Variants in CEP89 observed in about 807,000 individuals in gnomAD.
CEP89 encodes the protein centrosomal protein 89.
A neutral mutation model predicts 97.6 loss-of-function variants in CEP89; 95 were observed. The ratio of observed to expected loss-of-function variants is 0.97; its 90% CI spans 0.82 to 1.15. The LOEUF (loss-of-function observed/expected upper bound fraction) is 1.15, where lower values mean the gene tolerates loss of function less well. CEP89 is among the 50% of genes most tolerant of loss of function. The pLI is 0.00. For missense variants in CEP89, 869 were observed against 947.7 expected (o/e 0.92, Z 1.09); for synonymous variants, 354 against 349.1 (o/e 1.01, Z -0.16).
chr19:32,886,042 C>G (rs1019579706), intron 17 of CEP89, among the ~76,000 whole-genome samples: 1 of 152,206 alleles, frequency 6.6e-6, no homozygotes, highest in African/African-American at 2.4e-5. Context: ...CTTGCTGCCT[C>G]TTCCTGAGGT....
At position 32,971,925 on chromosome 19, in the gene CEP89, A is replaced by C. The variant is rs566940218; in HGVS notation, c.-51T>G. 17 of 1,557,818 alleles carry C rather than the reference A, an allele frequency of 1.1e-5. 1 individual carries two copies. In the South Asian group the frequency reaches 1.9e-4, roughly 17 times the overall value. On this transcript the variant is annotated 5_prime_UTR_variant, in exon 1 of 19. Transcript: ENST00000305768. ...GGGGCCTGGACTCATCAGCAGATCT[A>C]TCCACAGCCAGGGACCACTCCCTAA...
At chr19:32,902,873 A>T (rs140222420) in intron 14 of CEP89, among the ~76,000 whole-genome samples, 1 of 152,262 alleles carries the variant, frequency 6.6e-6, no homozygotes, top group African/African-American at 2.4e-5. Flanking sequence ...AATTTCTGAC[A>T]TGCACAAAGA....
At chr19:32,918,540 G>A (rs957839540) in intron 12 of CEP89, among the ~76,000 whole-genome samples, 1 of 152,104 alleles carries the variant, frequency 6.6e-6, no homozygotes, top group Admixed American at 6.6e-5. Flanking sequence ...TCTGAATTAC[G>A]GACTGCTTCA....
At chr19:32,924,432 T>A (rs1252622710) in intron 11 of CEP89, among the ~76,000 whole-genome samples, 1 of 152,198 alleles carries the variant, frequency 6.6e-6, no homozygotes, top group Non-Finnish European at 1.5e-5. Context: ...TATGTCTGTT[T>A]CAGCTCCCAA....
intron 5 of CEP89, among the ~76,000 whole-genome samples, chr19:32,945,284 CAA>C (rs10709515): frequency 0.034 from 3,270 of 95,912 alleles, 120 homozygotes; most frequent in African/African-American, 0.12. Flanking sequence ...AACTATGTTT[CAA>C]AAAAAAAAAA....
intron 3 of CEP89, 94 bp downstream of exon 3, chr19:32,959,806 C>A: frequency 7.3e-7 from 1 of 1,368,906 alleles, no homozygotes; most frequent in South Asian, 1.3e-5. Flanking sequence ...CACATGCACA[C>A]ACATGTACGC....
chr19:32,923,873 A>G (rs1333856504), intron 11 of CEP89, among the ~76,000 whole-genome samples: 2 of 152,138 alleles, frequency 1.3e-5, no homozygotes, highest in African/African-American at 4.8e-5. Context: ...CAACGCTGAC[A>G]TTTTTCCTTT....
intron 1 of CEP89, chr19:32,970,113 A>C (rs1971367691): frequency 6.6e-6 from 1 of 152,192 alleles, no homozygotes; most frequent in African/African-American, 2.4e-5. Flanking sequence ...CAAATAATTC[A>C]TTCTTTTTTA....
intron 4 of CEP89, among the ~76,000 whole-genome samples, chr19:32,951,534 T>TATATATACACACAC (rs1407110112): frequency 2.9e-4 from 36 of 122,040 alleles, no homozygotes; most frequent in African/African-American, 9.2e-4. Flanking sequence ...TATATATATA[T>TATATATACACACAC]ACACACACAC....
intron 12 of CEP89, among the ~76,000 whole-genome samples, chr19:32,918,826 A>C (rs576907537): frequency 2.0e-5 from 3 of 151,772 alleles, no homozygotes; most frequent in African/African-American, 7.2e-5. Context: ...AACAAAAAAA[A>C]CTGACTCTGT....
intron 2 of CEP89, 167 bp downstream of exon 2, chr19:32,966,193 G>C (rs932582084): frequency 2.4e-6 from 1 of 411,950 alleles, no homozygotes; most frequent in African/African-American, 2.1e-5. Context: ...ATTATCCTCA[G>C]AGACACCATA....
At chr19:32,889,722 G>A (rs918579665) in intron 16 of CEP89, among the ~76,000 whole-genome samples, 5 of 152,196 alleles carry the variant, frequency 3.3e-5, no homozygotes, top group East Asian at 1.9e-4. Flanking sequence ...TTCCCTGCAC[G>A]TCCTGCCCTA....
rs375239217 is a variant in CEP89 at position 32,926,665 on chromosome 19, G to A, written c.1080+269C>T. Among the ~76,000 whole-genome samples the A allele has an allele frequency of 1.2e-4, 18 of 152,272 alleles. No individual in the cohort carries two copies. In the East Asian group the frequency reaches 2.3e-3, roughly 20 times the overall value. On this transcript the variant is annotated intron_variant, in intron 10 of 18. Coordinates refer to ENST00000305768, the MANE Select transcript of CEP89 (RefSeq NM_032816.5). Reference sequence around the variant, plus strand: ...CAACCTAAACCTCCCGGGTTCAAGCGATTCTCCTGCCTCAGCCTCCCAAGT... The same window carrying A: ...CAACCTAAACCTCCCGGGTTCAAGCAATTCTCCTGCCTCAGCCTCCCAAGT...
chr19:32,915,552 C>A, intron 13 of CEP89, 35 bp from the exon 14 acceptor site: 1 of 1,554,904 alleles, frequency 6.4e-7, no homozygotes, highest in South Asian at 1.2e-5. Context: ...AAACTTGGCA[C>A]AGAAGACCTC....
At chr19:32,961,919 C>T (rs557770227) in intron 2 of CEP89, among the ~76,000 whole-genome samples, 12 of 152,182 alleles carry the variant, frequency 7.9e-5, no homozygotes, top group African/African-American at 2.2e-4. Context: ...GTTGGGATTA[C>T]AGCCATGAGC....
rs373123128 is a variant in CEP89 at position 32,971,812 on chromosome 19, C to G, written c.39+24G>C. The stretch of plus-strand genomic sequence containing the variant: ...ATTCCCGGCCCCACAGAGCCCCACG[C>G]GCGGCGGGCGAGCATCTACTTACGA... On this transcript the variant is annotated intron_variant, in intron 1 of 18. Coordinates refer to ENST00000305768, the MANE Select transcript of CEP89 (RefSeq NM_032816.5). 36 of 1,586,008 alleles carry G rather than the reference C, an allele frequency of 2.3e-5. No homozygotes were observed. The African/African-American group carries it at 4.7e-4, about 21-fold the overall frequency.
chr19:32,930,525 C>A (rs544941351), intron 9 of CEP89, among the ~76,000 whole-genome samples: 1 of 152,196 alleles, frequency 6.6e-6, no homozygotes, highest in South Asian at 2.1e-4. Flanking sequence ...AACTCAGAAG[C>A]CCATGAGGCC....
rs1969178677 is a variant in CEP89 at position 32,876,233 on chromosome 19, C to A, written c.*2929G>T. The A allele has an allele frequency of 6.6e-6, 1 of 152,620 alleles. No homozygotes were observed. Among genetic ancestry groups the A allele is most frequent in the South Asian group, 2.1e-4 (1 of 4,848 alleles). The allele number at this position is 152,620 out of a possible 1,614,324, so 9.5% of individuals were successfully genotyped here. A position where few individuals can be genotyped will look rare whatever the true frequency, so the allele number is the denominator to read the frequency against. On this transcript the variant is annotated 3_prime_UTR_variant, in exon 19 of 19. Transcript: ENST00000305768. ...TCAAGTGATCCTCCCACCTCAGCCT[C>A]CTGAGTAGCTGAAACCATAGGCGCC...
chr19:32,961,030 G>A (rs548593310), intron 2 of CEP89, among the ~76,000 whole-genome samples: 2 of 152,256 alleles, frequency 1.3e-5, no homozygotes, highest in African/African-American at 4.8e-5. Context: ...GTTTCAGCGG[G>A]ATACAGTGCA....
Sources: gnomAD v4.1 joint callset for allele counts (sites outside exome capture counted in the v4.1 genomes callset) on GRCh38, gnomAD v4.1.1 for gene constraint, MANE v1.5 for transcripts, NCBI Gene and HGNC (gene_info 2026-07-23, HGNC 2026-07-21) for gene names.